PHIP: variants seen among roughly 807,000 people sequenced by gnomAD.
PHIP encodes the protein PHIP subunit of CUL4-Ring ligase complex, also known as PH-interacting protein.
A neutral mutation model predicts 236.8 loss-of-function variants in PHIP; 54 were observed. The ratio of observed to expected loss-of-function variants is 0.23; its 90% CI spans 0.18 to 0.29. The LOEUF (loss-of-function observed/expected upper bound fraction) is 0.29, where lower values mean the gene tolerates loss of function less well. Among genes scored for constraint, PHIP ranks in the 10% least tolerant of loss-of-function variants. PHIP has a pLI of 1.00. For missense variants in PHIP, 1,370 were observed against 2,190.8 expected (o/e 0.63, Z 7.48); for synonymous variants, 756 against 718.9 (o/e 1.05, Z -0.83).
At chr6:79,065,080 C>G (rs1773559162) in intron 4 of PHIP, among the ~76,000 whole-genome samples, 1 of 152,176 alleles carries the variant, frequency 6.6e-6, no homozygotes, top group Non-Finnish European at 1.5e-5. Flanking sequence ...AATATCCAAG[C>G]AGTCACCAAG....
At chr6:79,050,626 A>G (rs531158169) in intron 6 of PHIP, among the ~76,000 whole-genome samples, 5 of 152,330 alleles carry the variant, frequency 3.3e-5, no homozygotes, top group Non-Finnish European at 7.4e-5. Flanking sequence ...CGTTCATTCT[A>G]ATTTTTTATA....
chr6:78,936,937 T>C lies in PHIP; in HGVS notation c.*3756A>G, dbSNP rs1773293083. The C allele has an allele frequency of 6.6e-6, 1 of 151,844 alleles. No homozygotes were observed. The highest frequency in any genetic ancestry group is 2.1e-4 in the South Asian group (1 of 4,832). 9.4% of individuals were successfully genotyped at this position (151,844 alleles called of 1,614,324 possible). A position where few individuals can be genotyped will look rare whatever the true frequency, so the allele number is the denominator to read the frequency against. ...CTGCAAGGGTAGAAGCAAAGAAAAGTGTATTTTTCAAATTTTAATGGGAAA... is the reference window on the plus strand; with the variant it reads ...CTGCAAGGGTAGAAGCAAAGAAAAGCGTATTTTTCAAATTTTAATGGGAAA... On this transcript the variant is annotated 3_prime_UTR_variant, in exon 40 of 40. Transcript: ENST00000275034.
Position 78,990,988 on chromosome 6 carries a change from G to A in PHIP, c.2202-3C>T. The A allele has an allele frequency of 6.4e-7, 1 of 1,566,290 alleles. No individual in the cohort carries two copies. Among genetic ancestry groups the A allele is most frequent in the African/African-American group, 1.4e-5 (1 of 73,500 alleles). The stretch of plus-strand genomic sequence containing the variant: ...CAGTTCTCCATTCTTCTTGCCTACT[G>A]AAAGACAAAAGCCATATGCATTAAT... On this transcript the variant is annotated splice_region_variant and splice_polypyrimidine_tract_variant and intron_variant, in intron 19 of 39. Transcript: ENST00000275034.
chr6:79,056,400 G>A (rs1562214093), intron 6 of PHIP, among the ~76,000 whole-genome samples: 1 of 152,162 alleles, frequency 6.6e-6, no homozygotes, highest in Non-Finnish European at 1.5e-5. Context: ...GACATGGCAG[G>A]AAAAGTGGGA....
rs188795061 is a variant in PHIP, at chr6:79,059,880, A to G, written c.439+598T>C. On this transcript the variant is annotated intron_variant, in intron 6 of 39. Coordinates refer to ENST00000275034, the MANE Select transcript of PHIP (RefSeq NM_017934.7). The stretch of plus-strand genomic sequence containing the variant: ...ATCTTCAGCAGAAGAGTGACACAAC[A>G]AAGGTAGAACTGAATAAGGTTACTA... Among the ~76,000 whole-genome samples the G allele has an allele frequency of 2.3e-4, 35 of 151,974 alleles. No homozygotes were observed. The South Asian group carries it at 6.2e-3, about 27-fold the overall frequency.
intron 32 of PHIP, chr6:78,955,913 A>G: frequency 3.7e-6 from 1 of 273,696 alleles, no homozygotes; most frequent in East Asian, 6.0e-5. Flanking sequence ...CCCAAGTCTC[A>G]TCTCCCAGTC....
intron 4 of PHIP, among the ~76,000 whole-genome samples, chr6:79,065,464 T>C (rs932571325): frequency 1.3e-5 from 2 of 152,136 alleles, no homozygotes; most frequent in South Asian, 2.1e-4. Flanking sequence ...TATTTACGCA[T>C]AATCTCTCTC....
chr6:79,001,158 CATA>C (rs1156635244), intron 17 of PHIP, among the ~76,000 whole-genome samples: 1 of 152,006 alleles, frequency 6.6e-6, no homozygotes. Flanking sequence ...TAGAAGTATT[CATA>C]ATGACAAAAC....
intron 4 of PHIP, among the ~76,000 whole-genome samples, chr6:79,076,752 T>C (rs1300577400): frequency 6.6e-6 from 1 of 152,038 alleles, no homozygotes; most frequent in African/African-American, 2.4e-5. Flanking sequence ...CCATAAGAAT[T>C]AAAAAAAGCC....
At chr6:79,065,136 T>G (rs187150270) in intron 4 of PHIP, among the ~76,000 whole-genome samples, 20 of 152,310 alleles carry the variant, frequency 1.3e-4, no homozygotes, top group African/African-American at 4.8e-4. Context: ...TCTACCTGTA[T>G]CTCCATAACA....
intron 32 of PHIP, 95 bp downstream of exon 32, chr6:78,958,380 T>G (rs1427177737): frequency 7.3e-6 from 6 of 820,010 alleles, no homozygotes; most frequent in Non-Finnish European, 1.2e-5. Context: ...CTTAAATGTT[T>G]CTTCTTTACA....
chr6:79,062,377 G>A lies in PHIP; in HGVS notation c.190-1559C>T, dbSNP rs955811423. 2.6e-5 allele frequency among the ~76,000 whole-genome samples: 4 copies of A among 151,996 alleles called. No homozygotes were observed. In the East Asian group the frequency reaches 5.8e-4, roughly 22 times the overall value. ...CTTACCAAAATGAGTTTTTAAAATC[G>A]TATACTTTTCTTTAATCTTCCCCAA... On this transcript the variant is annotated intron_variant, in intron 4 of 39. Coordinates refer to ENST00000275034, the MANE Select transcript of PHIP (RefSeq NM_017934.7).
chr6:79,020,153 C>T (rs1340279703), intron 9 of PHIP, among the ~76,000 whole-genome samples: 2 of 151,318 alleles, frequency 1.3e-5, no homozygotes, highest in African/African-American at 2.4e-5. Context: ...AAAATAATTG[C>T]GGTTTTGCCT....
chr6:78,966,720 A>T (rs1767161642), intron 27 of PHIP, among the ~76,000 whole-genome samples: 1 of 152,204 alleles, frequency 6.6e-6, no homozygotes, highest in Non-Finnish European at 1.5e-5. Flanking sequence ...TATAAATGCT[A>T]TGGCTTTTTC....
At chr6:78,966,101 T>C (rs766896853) in intron 27 of PHIP, 45 bp from the exon 28 acceptor site, 2 of 1,132,898 alleles carry the variant, frequency 1.8e-6, no homozygotes, top group Non-Finnish European at 2.7e-6. Context: ...AATGCATGGC[T>C]GCTGTCACTG....
rs1773557614 is a variant in PHIP at position 79,065,026 on chromosome 6, A to G, written c.190-4208T>C. ...TGGAAGCCAGAAACCAAGGAGCTGC[A>G]TTTTGCACACAGTTCATTCCTTCCT... On this transcript the variant is annotated intron_variant, in intron 4 of 39. Transcript: ENST00000275034. 3.3e-5 allele frequency among the ~76,000 whole-genome samples: 5 copies of G among 152,240 alleles called. No individual in the cohort carries two copies. In the South Asian group the frequency reaches 1.0e-3, roughly 32 times the overall value.
chr6:79,024,850 G>A (rs1027030006), intron 9 of PHIP, among the ~76,000 whole-genome samples: 3 of 151,976 alleles, frequency 2.0e-5, no homozygotes, highest in African/African-American at 7.2e-5. Flanking sequence ...GGTATAGAAA[G>A]CATCAAAGGG....
chr6:78,937,358 ATGC>A lies in PHIP; in HGVS notation c.*3332_*3334del, dbSNP rs974238508. On this transcript the variant is annotated 3_prime_UTR_variant, in exon 40 of 40. Transcript: ENST00000275034. Reference sequence around the variant, plus strand: ...ACAAATCATATCTGAAAACATGTAAATGCTGCTAACATATAAGATAAAAATATT... The same window carrying A: ...ACAAATCATATCTGAAAACATGTAAATGCTAACATATAAGATAAAAATATT... The A allele has an allele frequency of 7.9e-5, 12 of 151,744 alleles. No individual in the cohort carries two copies. The highest frequency in any genetic ancestry group is 1.5e-4 in the Non-Finnish European group (10 of 67,666). The allele number at this position is 151,744 out of a possible 1,614,324, so 9.4% of individuals were successfully genotyped here.
intron 7 of PHIP, among the ~76,000 whole-genome samples, chr6:79,031,069 G>C (rs554690181): frequency 3.9e-5 from 6 of 152,072 alleles, no homozygotes; most frequent in African/African-American, 1.4e-4. Flanking sequence ...TCAGCCTCCA[G>C]AATAGCTGGA....
Sources: gnomAD v4.1 joint callset for allele counts (sites outside exome capture counted in the v4.1 genomes callset) on GRCh38, gnomAD v4.1.1 for gene constraint, MANE v1.5 for transcripts, NCBI Gene and HGNC (gene_info 2026-07-23, HGNC 2026-07-21) for gene names.